ZEB1: variants seen among roughly 807,000 people sequenced by gnomAD.
ZEB1 encodes the protein zinc finger E-box-binding homeobox 1.
Under a neutral mutation model 84.9 loss-of-function variants are expected in ZEB1, and 21 were observed. The observed-to-expected ratio is 0.25, with a 90% CI of 0.18 to 0.36. The LOEUF is 0.36. Among genes scored for constraint, ZEB1 ranks in the 10% least tolerant of loss-of-function variants. The pLI is 1.00. For missense variants in ZEB1, 1,104 were observed against 1,330.2 expected, an observed-to-expected ratio of 0.83 and a Z score of 2.65; for synonymous variants, 420 against 471.1, an observed-to-expected ratio of 0.89 and a Z score of 1.41.
chr10:31,377,355 A>C (rs781649757), intron 1 of ZEB1, among the ~76,000 whole-genome samples: 2 of 151,682 alleles, frequency 1.3e-5, no homozygotes, highest in East Asian at 3.9e-4. Flanking sequence ...CTGCTCTGCC[A>C]CTAGTTCCTG....
At chr10:31,330,814 C>T (rs1265672880) in intron 1 of ZEB1, among the ~76,000 whole-genome samples, 2 of 123,888 alleles carry the variant, frequency 1.6e-5, no homozygotes, top group African/African-American at 6.6e-5. Context: ...CTATGTAATT[C>T]TTATTTTAAG....
intron 5 of ZEB1, among the ~76,000 whole-genome samples, chr10:31,511,174 G>T (rs1331868369): frequency 1.3e-5 from 2 of 152,144 alleles, no homozygotes; most frequent in African/African-American, 2.4e-5. Context: ...AAGTTTAGAA[G>T]ATGTTAAATT....
rs147629737 is a variant in ZEB1, at chr10:31,345,907, T to C, written c.58+26615T>C. On this transcript the variant is annotated intron_variant, in intron 1 of 8. Coordinates refer to ENST00000424869, the MANE Select transcript of ZEB1 (RefSeq NM_001174096.2). Reference sequence around the variant, plus strand: ...CCTTACCACCTTTGAAAAAGATTTTTAAAAGTCTCAGAGAAAATGAAATAT... The same window carrying C: ...CCTTACCACCTTTGAAAAAGATTTTCAAAAGTCTCAGAGAAAATGAAATAT... 1.2e-3 allele frequency among the ~76,000 whole-genome samples: 189 copies of C among 152,280 alleles called. 3 individuals carry two copies. The East Asian group carries it at 0.034, about 27-fold the overall frequency.
chr10:31,438,127 G>A (rs1008411376), intron 1 of ZEB1, among the ~76,000 whole-genome samples: 3 of 152,164 alleles, frequency 2.0e-5, no homozygotes, highest in Admixed American at 6.5e-5. Context: ...AAGTGAAAGC[G>A]TGCGCTCTCC....
At chr10:31,396,077 T>G (rs2050667678) in intron 1 of ZEB1, among the ~76,000 whole-genome samples, 1 of 152,318 alleles carries the variant, frequency 6.6e-6, no homozygotes. Flanking sequence ...TTCACTGAGG[T>G]TTTTTGTTGT....
At chr10:31,406,161 G>A (rs556939108) in intron 1 of ZEB1, among the ~76,000 whole-genome samples, 41 of 152,204 alleles carry the variant, frequency 2.7e-4, no homozygotes, top group African/African-American at 8.4e-4. Flanking sequence ...ATACATATGC[G>A]TGTGTCTTTA....
intron 1 of ZEB1, among the ~76,000 whole-genome samples, chr10:31,441,830 G>A (rs143368092): frequency 0.015 from 2,280 of 152,332 alleles, 59 homozygotes; most frequent in African/African-American, 0.053. Flanking sequence ...CTGGCCATCA[G>A]AGAAATGCAA....
At chr10:31,364,766 G>A (rs907218542) in intron 1 of ZEB1, among the ~76,000 whole-genome samples, 33 of 152,218 alleles carry the variant, frequency 2.2e-4, no homozygotes, top group African/African-American at 7.0e-4. Flanking sequence ...CAGGCTGTGC[G>A]ATTCCACAGC....
At chr10:31,455,708 AT>A (rs1329141198) in intron 1 of ZEB1, among the ~76,000 whole-genome samples, 2 of 152,246 alleles carry the variant, frequency 1.3e-5, no homozygotes, top group African/African-American at 4.8e-5. Context: ...CCACAATGAG[AT>A]ACCATCTCAC....
At chr10:31,462,023 T>C (rs1338047880) in intron 2 of ZEB1, among the ~76,000 whole-genome samples, 1 of 152,116 alleles carries the variant, frequency 6.6e-6, no homozygotes, top group Admixed American at 6.6e-5. Flanking sequence ...GGTAAACAAG[T>C]ACACGCAATA....
At chr10:31,494,640 T>C (rs1033766594) in intron 2 of ZEB1, among the ~76,000 whole-genome samples, 4 of 152,056 alleles carry the variant, frequency 2.6e-5, no homozygotes, top group African/African-American at 9.7e-5. Context: ...TCGGTGTGAC[T>C]GTATAAGTAT....
intron 1 of ZEB1, among the ~76,000 whole-genome samples, chr10:31,401,755 T>C (rs763194099): frequency 6.6e-6 from 1 of 152,200 alleles, no homozygotes; most frequent in Non-Finnish European, 1.5e-5. Flanking sequence ...CGTGCTAGGT[T>C]TTTAAGCTTT....
intron 1 of ZEB1, among the ~76,000 whole-genome samples, chr10:31,416,399 A>C (rs1165993472): frequency 6.6e-6 from 1 of 152,102 alleles, no homozygotes; most frequent in Admixed American, 6.6e-5. Flanking sequence ...CCCTCAGATG[A>C]TGTTGTGCTG....
chr10:31,392,726 A>T (rs972631564), intron 1 of ZEB1, among the ~76,000 whole-genome samples: 6 of 151,924 alleles, frequency 3.9e-5, no homozygotes, highest in African/African-American at 1.4e-4. Context: ...ATAAAAGACA[A>T]TTATTTTCTG....
chr10:31,489,823 G>A (rs1043233764), intron 2 of ZEB1, among the ~76,000 whole-genome samples: 2 of 150,664 alleles, frequency 1.3e-5, no homozygotes, highest in East Asian at 1.9e-4. Context: ...TTTTATTCCC[G>A]ACATTCCAAG....
At chr10:31,386,288 A>C (rs1016236834) in intron 1 of ZEB1, among the ~76,000 whole-genome samples, 6 of 151,792 alleles carry the variant, frequency 4.0e-5, no homozygotes, top group Non-Finnish European at 5.9e-5. Context: ...ATTTATTTAT[A>C]GTATTTTTGT....
Position 31,338,176 on chromosome 10 carries a change from T to G in ZEB1, c.58+18884T>G, listed in dbSNP as rs372345141. ...AAAGGTATTACCTTATTATATTTTT[T>G]TCTAACTTAAAATATGTGTGTTACT... On this transcript the variant is annotated intron_variant, in intron 1 of 8. Transcript: ENST00000424869. Among the ~76,000 whole-genome samples, 3 of 152,248 alleles carry G rather than the reference T, an allele frequency of 2.0e-5. No homozygotes were observed. In the East Asian group the frequency reaches 5.8e-4, roughly 29 times the overall value.
chr10:31,497,285 T>C (rs1479594171), intron 3 of ZEB1, among the ~76,000 whole-genome samples: 3 of 152,146 alleles, frequency 2.0e-5, no homozygotes, highest in Non-Finnish European at 1.5e-5. Flanking sequence ...CTCACAGGTT[T>C]ACAGTATTTT....
At chr10:31,387,030 C>G (rs2048757866) in intron 1 of ZEB1, 1 of 910,524 alleles carries the variant, frequency 1.1e-6, no homozygotes, top group African/African-American at 1.8e-5. Flanking sequence ...TATCTAATTT[C>G]TGTTCTCAAA....
Sources: gnomAD v4.1 joint callset for allele counts (sites outside exome capture counted in the v4.1 genomes callset) on GRCh38, gnomAD v4.1.1 for gene constraint, MANE v1.5 for transcripts, NCBI Gene and HGNC (gene_info 2026-07-23, HGNC 2026-07-21) for gene names.